The following LRRC43 variants were observed in gnomAD, a reference collection of about 807,000 sequenced individuals.
The protein encoded by LRRC43 is leucine-rich repeat-containing protein 43.
In LRRC43, 62 loss-of-function variants were observed where a neutral mutation model predicts 64.3. The ratio of observed to expected loss-of-function variants is 0.96; its 90% CI spans 0.79 to 1.19. LRRC43 has a LOEUF of 1.19. Among genes scored for constraint, LRRC43 ranks in the 50% most tolerant of loss-of-function variants. The probability of loss-of-function intolerance (pLI) is 0.00; values close to 1 mark genes in which losing one functional copy is unlikely to be tolerated. For missense variants in LRRC43, 868 were observed against 845.0 expected (o/e 1.03, Z -0.34); for synonymous variants, 422 against 382.3 (o/e 1.10, Z -1.21).
upstream of LRRC43, among the ~76,000 whole-genome samples, chr12:122,181,443 T>G (rs1275393867): frequency 6.7e-6 from 1 of 149,588 alleles, no homozygotes; most frequent in Non-Finnish European, 1.5e-5. Flanking sequence ...CTCAGGAGGC[T>G]GAGGCAGGAG....
intron 7 of LRRC43, among the ~76,000 whole-genome samples, chr12:122,197,167 C>A (rs139467924): frequency 1.3e-5 from 2 of 152,022 alleles, no homozygotes; most frequent in African/African-American, 2.4e-5. Flanking sequence ...GGTCATACCC[C>A]GTCTCCTTCC....
chr12:122,171,452 C>T (rs756853671), intron 1 of LRRC43, among the ~76,000 whole-genome samples: 2 of 152,208 alleles, frequency 1.3e-5, no homozygotes, highest in Non-Finnish European at 2.9e-5. Flanking sequence ...GCCTCGAACT[C>T]CTGGGCTCAA....
intron 2 of LRRC43, 139 bp from the exon 3 acceptor site, chr12:122,186,051 G>C: frequency 1.6e-6 from 1 of 632,366 alleles, no homozygotes; most frequent in Admixed American, 2.5e-5. Context: ...GTGCAGGAAC[G>C]GCTTCCGGGG....
Position 122,200,093 on chromosome 12 carries a change from G to A in LRRC43, c.1350-96G>A, listed in dbSNP as rs781051359. On this transcript the variant is annotated intron_variant, in intron 7 of 11. Coordinates refer to ENST00000339777, the MANE Select transcript of LRRC43 (RefSeq NM_001098519.2). This position sits in a 1 kb window ranked among gnomAD's most constrained non-coding sequence, Gnocchi z 4.6. ...ATGCTGTTTGTGGGCTTCGATGCTC[G>A]TGGTCTCCTCGGATGTCCCCTCACA... The A allele has an allele frequency of 4.1e-5, 56 of 1,352,246 alleles. No homozygotes were observed. The highest frequency in any genetic ancestry group is 1.5e-4 in the South Asian group (11 of 73,478). The allele number at this position is 1,352,246 out of a possible 1,614,324, so 83.8% of individuals were successfully genotyped here.
Position 122,186,170 on chromosome 12 carries a change from C to G in LRRC43, c.412-20C>G. 8.3e-6 allele frequency: 12 copies of G among 1,445,368 alleles called. No homozygotes were observed. The highest frequency in any genetic ancestry group is 2.4e-5 in the South Asian group (2 of 82,436). 89.5% of individuals were successfully genotyped at this position (1,445,368 alleles called of 1,614,324 possible). On this transcript the variant is annotated intron_variant, in intron 2 of 11. Transcript: ENST00000339777. ...CTCCCTCTCCTGCTACAGCCCTCAG[C>G]TTCCTCTCCCCTCTTCCAGGTCACC...
In LRRC43 at chr12:122,171,163, G is replaced by A. The variant is rs60814951; in HGVS notation, c.-406+3381G>A. ...GGACACTGTAAGATTGCTGCATGCC[G>A]CGCCTGGCATTGACAGCCTGTGAGG... is the stretch of plus-strand genomic sequence containing the variant. On this transcript the variant is annotated intron_variant, in intron 1 of 5. Coordinates refer to the LRRC43 transcript ENST00000537729. Among the ~76,000 whole-genome samples, 1,368 of 152,278 alleles carry A rather than the reference G, an allele frequency of 9.0e-3. 21 individuals carry two copies. Among genetic ancestry groups the A allele is most frequent in the African/African-American group, 0.031 (1,302 of 41,562 alleles).
In LRRC43 at chr12:122,200,214, A is replaced by G. The variant is rs1363583830; in HGVS notation, c.1375A>G (p.Lys459Glu). The change falls in exon 8 of 12, where the codon AAG becomes GAG. Residue 459 changes from lysine (K) to glutamate (E), a missense_variant. Coordinates refer to ENST00000339777, the MANE Select transcript of LRRC43 (RefSeq NM_001098519.2). This position sits in a 1 kb window ranked among gnomAD's most constrained non-coding sequence, Gnocchi z 4.6. ...GACTGTCCTCTTCAGCACTGCCCAC[A>G]AGCCCTGGGCTGAGGTCATCCCCTG... ...PGTVLFSTAH[K>E]PWAEVIPCSY... 7 of 1,613,794 alleles carry G rather than the reference A, an allele frequency of 4.3e-6. No homozygotes were observed. The South Asian group carries it at 7.7e-5, about 18-fold the overall frequency.
rs1953868496 is a variant in LRRC43 at position 122,203,422 on chromosome 12, C to T, written c.1951C>T (p.Leu651=). The T allele has an allele frequency of 6.2e-7, 1 of 1,611,628 alleles. No homozygotes were observed. Among genetic ancestry groups the T allele is most frequent in the Non-Finnish European group, 8.5e-7 (1 of 1,179,664 alleles). The change falls in exon 12 of 12, where the codon CTG becomes TTG. Residue 651 remains leucine (L), a synonymous_variant. Coordinates refer to ENST00000339777, the MANE Select transcript of LRRC43 (RefSeq NM_001098519.2). ...CCAGTGCCGCTCGGCGGAGGAGGCT[C>T]TGCGCATGTTCGCCGTGTAGGGCGT... The part of the protein sequence containing the change: ...LNQCRSAEEA[L]RMFAV
At chr12:122,178,216 A>ATGT (rs10673920), upstream of LRRC43, among the ~76,000 whole-genome samples, 80,498 of 151,602 alleles carry the variant, frequency 0.53, 22,108 homozygotes, top group East Asian at 0.69. Flanking sequence ...CAGAGACCAC[A>ATGT]TGTCAGCCTT....
At chr12:122,193,224 C>T (rs1382408786) in intron 7 of LRRC43, among the ~76,000 whole-genome samples, 1 of 151,234 alleles carries the variant, frequency 6.6e-6, no homozygotes, top group Non-Finnish European at 1.5e-5. Context: ...ACTAAAAATA[C>T]GAAAAAATTA....
chr12:122,193,610 G>C (rs1953745723), intron 7 of LRRC43, among the ~76,000 whole-genome samples: 1 of 152,086 alleles, frequency 6.6e-6, no homozygotes, highest in Non-Finnish European at 1.5e-5. Flanking sequence ...TGTCACCCAG[G>C]CTGGAGTGCA....
intron 5 of LRRC43, among the ~76,000 whole-genome samples, chr12:122,190,854 C>CAA (rs756031424): frequency 1.6e-4 from 21 of 131,858 alleles, no homozygotes; most frequent in East Asian, 8.3e-4. Flanking sequence ...CAGAGCAAGA[C>CAA]AAAAAAAAAA....
Position 122,200,308 on chromosome 12 carries a change from C to A in LRRC43, c.1469C>A (p.Thr490Asn), listed in dbSNP as rs1164193018. 6.2e-7 allele frequency: 1 copy of A among 1,611,516 alleles called. No individual in the cohort carries two copies. Among genetic ancestry groups the A allele is most frequent in the Admixed American group, 1.7e-5 (1 of 60,010 alleles). The change falls in exon 8 of 12, where the codon ACC (threonine) becomes AAC (asparagine). Residue 490 changes from threonine (T) to asparagine (N), a missense_variant. Physicochemically the swap from Thr to Asn is moderately conservative, Grantham distance 65. Coordinates refer to ENST00000339777, the MANE Select transcript of LRRC43 (RefSeq NM_001098519.2). This position sits in a 1 kb window ranked among gnomAD's most constrained non-coding sequence, Gnocchi z 4.6. Reference sequence around the variant, plus strand: ...AAGGCCTTCCTGCTGGCGGGGACCACCGTGACCATCGTGGAGGAGAAGGTG... The same window carrying A: ...AAGGCCTTCCTGCTGGCGGGGACCAACGTGACCATCGTGGAGGAGAAGGTG... The part of the protein sequence containing the change: ...PLKAFLLAGT[T>N]VTIVEEKILS...
At chr12:122,197,783 G>A (rs916593890) in intron 7 of LRRC43, among the ~76,000 whole-genome samples, 5 of 151,964 alleles carry the variant, frequency 3.3e-5, no homozygotes, top group African/African-American at 1.2e-4. Context: ...GAAGATGACT[G>A]CAGTGGAGAA....
intron 1 of LRRC43, chr12:122,172,315 T>A (rs1316107899): frequency 1.1e-6 from 1 of 876,156 alleles, no homozygotes; most frequent in African/African-American, 1.7e-5. Context: ...ATTGGAAAAA[T>A]GTACTTAAGG....
chr12:122,184,641 C>T lies in LRRC43; in HGVS notation c.273C>T (p.Arg91=). 1 of 1,613,968 alleles carries T rather than the reference C, an allele frequency of 6.2e-7. No homozygotes were observed. Among genetic ancestry groups the T allele is most frequent in the Non-Finnish European group, 8.5e-7 (1 of 1,179,886 alleles). Residue 91 remains arginine, a synonymous_variant, in exon 2 of 12, where the codon CGC becomes CGT. Coordinates refer to ENST00000339777, the MANE Select transcript of LRRC43 (RefSeq NM_001098519.2). This position sits in a 1 kb window ranked among gnomAD's most constrained non-coding sequence, Gnocchi z 4.0. ...VEALLGLVRS[R]HSPWALLNNS... The stretch of plus-strand genomic sequence containing the variant: ...CCCTGCTGGGCCTGGTCCGCAGCCG[C>T]CACTCCCCCTGGGCTCTGCTGAACA...
intron 6 of LRRC43, among the ~76,000 whole-genome samples, chr12:122,192,168 C>T (rs192681833): frequency 1.1e-4 from 17 of 152,186 alleles, no homozygotes; most frequent in South Asian, 4.1e-4. Context: ...GATGGAGTCT[C>T]GCTCTGTCGC....
Position 122,184,436 on chromosome 12 carries a change from T to C in LRRC43, c.151-83T>C. 6.7e-7 allele frequency: 1 copy of C among 1,502,008 alleles called. No homozygotes were observed. The highest frequency in any genetic ancestry group is 1.4e-5 in the African/African-American group (1 of 72,166). 93.0% of individuals were successfully genotyped at this position (1,502,008 alleles called of 1,614,324 possible). ...AACTCTATCCCTAATCGTCCAGTTT[T>C]ATGATCTGTTCTGTTTTGAGAGTTT... is the stretch of plus-strand genomic sequence containing the variant. On this transcript the variant is annotated intron_variant, in intron 1 of 11. Coordinates refer to ENST00000339777, the MANE Select transcript of LRRC43 (RefSeq NM_001098519.2). This position sits in a 1 kb window ranked among gnomAD's most constrained non-coding sequence, Gnocchi z 4.0.
intron 7 of LRRC43, among the ~76,000 whole-genome samples, chr12:122,196,490 G>A (rs760412347): frequency 3.9e-5 from 6 of 152,164 alleles, no homozygotes; most frequent in Non-Finnish European, 7.4e-5. Context: ...CTAGAGGGCT[G>A]GGCACAGTGG....
Sources: gnomAD v4.1 joint callset for allele counts (sites outside exome capture counted in the v4.1 genomes callset) on GRCh38, gnomAD v4.1.1 for gene constraint, Gnocchi (gnomAD v3.1) non-coding constraint, MANE v1.5 for transcripts, NCBI Gene and HGNC (gene_info 2026-07-23, HGNC 2026-07-21) for gene names.